Variants in MYO1D observed in about 807,000 individuals in gnomAD.
MYO1D encodes the protein myosin ID.
Under a neutral mutation model 122.0 loss-of-function variants are expected in MYO1D, and 83 were observed. That is an observed-to-expected ratio of 0.68 (90% CI 0.57 to 0.82). The LOEUF is 0.82. Ranked by LOEUF, MYO1D falls within the 40% of genes least tolerant of loss-of-function variation. The pLI is 0.00. For missense variants in MYO1D, 1,157 were observed against 1,269.5 expected (o/e 0.91, Z 1.35); for synonymous variants, 464 against 446.9 (o/e 1.04, Z -0.48).
intron 14 of MYO1D, among the ~76,000 whole-genome samples, chr17:32,736,260 T>C (rs1212087604): frequency 1.3e-5 from 2 of 152,184 alleles, no homozygotes; most frequent in Non-Finnish European, 2.9e-5. Flanking sequence ...CAGTATCTTT[T>C]TCTTACTTTA....
At chr17:32,541,098 A>T (rs1300432833) in intron 21 of MYO1D, among the ~76,000 whole-genome samples, 2 of 152,192 alleles carry the variant, frequency 1.3e-5, no homozygotes, top group Non-Finnish European at 2.9e-5. Flanking sequence ...ACTCAAGAAA[A>T]ATGAAATCAT....
chr17:32,639,212 A>G (rs1302408235), intron 19 of MYO1D, among the ~76,000 whole-genome samples: 1 of 152,182 alleles, frequency 6.6e-6, no homozygotes, highest in East Asian at 1.9e-4. Flanking sequence ...AAAATAACCC[A>G]ATTATACAAA....
At chr17:32,495,305 T>TGAGA (rs140931006) in intron 21 of MYO1D, among the ~76,000 whole-genome samples, 15 of 150,338 alleles carry the variant, frequency 1.0e-4, no homozygotes, top group Admixed American at 4.6e-4. Context: ...CATGCCCCAG[T>TGAGA]GAGAGAGAGA....
chr17:32,568,903 T>C (rs879492380), intron 21 of MYO1D, among the ~76,000 whole-genome samples: 135 of 152,350 alleles, frequency 8.9e-4, no homozygotes, highest in South Asian at 1.7e-3. Flanking sequence ...GCATCTTGAC[T>C]GGACACAGTC....
intron 1 of MYO1D, among the ~76,000 whole-genome samples, chr17:32,876,110 G>A (rs992208013): frequency 2.0e-5 from 3 of 151,996 alleles, no homozygotes; most frequent in Non-Finnish European, 4.4e-5. Flanking sequence ...GTCAAATTCA[G>A]ACAGTTTATC....
intron 11 of MYO1D, among the ~76,000 whole-genome samples, chr17:32,750,203 A>G (rs1352674410): frequency 1.3e-5 from 2 of 152,160 alleles, no homozygotes; most frequent in African/African-American, 2.4e-5. Context: ...GGAGGTCTCT[A>G]TGACTTTCTA....
chr17:32,593,342 A>G (rs1047905622), intron 21 of MYO1D, among the ~76,000 whole-genome samples: 1 of 152,196 alleles, frequency 6.6e-6, no homozygotes, highest in African/African-American at 2.4e-5. Flanking sequence ...TGACTCCTGG[A>G]TCACAGCTGT....
chr17:32,807,818 G>T (rs569718184), intron 1 of MYO1D, among the ~76,000 whole-genome samples: 1 of 152,292 alleles, frequency 6.6e-6, no homozygotes, highest in East Asian at 1.9e-4. Flanking sequence ...TTACATTAAA[G>T]CCACTGAGAC....
At chr17:32,649,566 TC>T (rs2088356796) in intron 19 of MYO1D, among the ~76,000 whole-genome samples, 1 of 128,290 alleles carries the variant, frequency 7.8e-6, no homozygotes, top group African/African-American at 2.9e-5. Flanking sequence ...TTTCTTTCTT[TC>T]TTTTTTTTTT....
intron 19 of MYO1D, among the ~76,000 whole-genome samples, chr17:32,644,166 G>A (rs1597965492): frequency 6.6e-6 from 1 of 151,928 alleles, no homozygotes. Flanking sequence ...CCTTCATTTC[G>A]TTATGTACCC....
At chr17:32,752,486 A>G (rs2089907896) in intron 11 of MYO1D, among the ~76,000 whole-genome samples, 2 of 152,222 alleles carry the variant, frequency 1.3e-5, no homozygotes. Context: ...CAAACAACCT[A>G]CACAATCAGA....
intron 20 of MYO1D, among the ~76,000 whole-genome samples, chr17:32,612,445 G>T (rs2087712826): frequency 6.6e-6 from 1 of 152,012 alleles, no homozygotes; most frequent in African/African-American, 2.4e-5. Context: ...CCAGCACTTT[G>T]GGAGACTGAG....
At chr17:32,538,125 T>C (rs560040258) in intron 21 of MYO1D, among the ~76,000 whole-genome samples, 44 of 152,300 alleles carry the variant, frequency 2.9e-4, no homozygotes, top group African/African-American at 1.0e-3. Flanking sequence ...CTTAGTGGAA[T>C]AGAAAATAAT....
Position 32,765,466 on chromosome 17 carries a change from A to G in MYO1D, c.832-385T>C, listed in dbSNP as rs540178937. Among the ~76,000 whole-genome samples the G allele has an allele frequency of 3.0e-4, 46 of 151,326 alleles. No homozygotes were observed. In the South Asian group the frequency reaches 8.0e-3, roughly 26 times the overall value. ...CTTAAACTTTTTATTTTATTTATTT[A>G]TTTATTTTTGAGACAGAGTCTCGCT... On this transcript the variant is annotated intron_variant, in intron 7 of 21. Coordinates refer to ENST00000318217, the MANE Select transcript of MYO1D (RefSeq NM_015194.3).
At chr17:32,746,667 G>A (rs2151007712) in intron 12 of MYO1D, among the ~76,000 whole-genome samples, 1 of 152,234 alleles carries the variant, frequency 6.6e-6, no homozygotes, top group Non-Finnish European at 1.5e-5. Context: ...TTTGTGGGAA[G>A]AGACCATACC....
intron 21 of MYO1D, chr17:32,495,929 G>C (rs1909086445): frequency 6.6e-6 from 1 of 152,558 alleles, no homozygotes; most frequent in South Asian, 2.1e-4. Context: ...TGGGCAGGTT[G>C]GTCCCGCTTT....
At chr17:32,641,348 G>C (rs1262205707) in intron 19 of MYO1D, among the ~76,000 whole-genome samples, 1 of 151,762 alleles carries the variant, frequency 6.6e-6, no homozygotes, top group Non-Finnish European at 1.5e-5. Context: ...TTGGACATTT[G>C]GGTTGGTTCC....
rs16967670 is a variant in MYO1D, at chr17:32,834,236, A to C, written c.95+42542T>G. 4.7e-3 allele frequency among the ~76,000 whole-genome samples: 713 copies of C among 152,344 alleles called. 7 individuals carry two copies. The highest frequency in any genetic ancestry group is 0.016 in the African/African-American group (682 of 41,578). ...GAAGTCCCAGAATTGTCATCAAATT[A>C]GTAGAACACTTTGGGAGGGATAACA... On this transcript the variant is annotated intron_variant, in intron 1 of 21. Transcript: ENST00000318217.
chr17:32,595,960 C>T (rs2150907618), intron 21 of MYO1D, among the ~76,000 whole-genome samples: 1 of 152,250 alleles, frequency 6.6e-6, no homozygotes, highest in African/African-American at 2.4e-5. Context: ...GGATGCCCCT[C>T]TTGGCAGGTC....
Sources: gnomAD v4.1 joint callset for allele counts (sites outside exome capture counted in the v4.1 genomes callset) on GRCh38, gnomAD v4.1.1 for gene constraint, MANE v1.5 for transcripts, NCBI Gene and HGNC (gene_info 2026-07-23, HGNC 2026-07-21) for gene names.